The following PRRC1 variants were observed in gnomAD, a reference collection of about 807,000 sequenced individuals.
PRRC1 encodes the protein proline rich coiled-coil 1.
PRRC1 carries 39 observed loss-of-function variants against 40.7 expected under a neutral mutation model. The ratio of observed to expected loss-of-function variants is 0.96; its 90% CI spans 0.74 to 1.25. PRRC1 has a LOEUF of 1.25. PRRC1 is among the 50% of genes most tolerant of loss of function. PRRC1 has a pLI of 0.00. For missense variants in PRRC1, 573 were observed against 548.3 expected, an observed-to-expected ratio of 1.05 and a Z score of -0.45; for synonymous variants, 175 against 193.3, an observed-to-expected ratio of 0.91 and a Z score of 0.79.
intron 4 of PRRC1, among the ~76,000 whole-genome samples, chr5:127,529,453 A>C (rs1329686211): frequency 6.6e-6 from 1 of 152,094 alleles, no homozygotes; most frequent in Admixed American, 6.5e-5. Flanking sequence ...GTTCAACTCT[A>C]TAGGTCTTGT....
intron 3 of PRRC1, 98 bp downstream of exon 3, chr5:127,525,018 C>A: frequency 8.6e-7 from 1 of 1,168,070 alleles, no homozygotes; most frequent in Non-Finnish European, 1.2e-6. Flanking sequence ...ATGTACTCTA[C>A]AATTCACCCA....
chr5:127,525,746 T>C (rs1767599767), intron 3 of PRRC1, among the ~76,000 whole-genome samples: 1 of 152,222 alleles, frequency 6.6e-6, no homozygotes, highest in African/African-American at 2.4e-5. Context: ...TAATTTAGTA[T>C]ATGATTTTTT....
chr5:127,528,065 C>T (rs1767670516), intron 4 of PRRC1, among the ~76,000 whole-genome samples: 1 of 151,970 alleles, frequency 6.6e-6, no homozygotes, highest in Admixed American at 6.6e-5. Flanking sequence ...TGATTTTTAG[C>T]CATTTGTATT....
At position 127,552,188 on chromosome 5, in the gene PRRC1, G is replaced by A. The variant is rs780372795; in HGVS notation, c.*272G>A. On this transcript the variant is annotated 3_prime_UTR_variant, in exon 9 of 9. Coordinates refer to ENST00000296666, the MANE Select transcript of PRRC1 (RefSeq NM_130809.5). ...ATTTACAGCACAATTTAATATACCA[G>A]ATTTATAAGGTGGAAATTCATGTGC... The A allele has an allele frequency of 2.6e-6, 3 of 1,171,850 alleles. No homozygotes were observed. Among genetic ancestry groups the A allele is most frequent in the Non-Finnish European group, 2.1e-6 (2 of 945,780 alleles). 72.6% of individuals were successfully genotyped at this position (1,171,850 alleles called of 1,614,324 possible). A position where few individuals can be genotyped will look rare whatever the true frequency, so the allele number is the denominator to read the frequency against.
At chr5:127,517,816 G>A (rs939284713) in intron 1 of PRRC1, 40 bp downstream of exon 1, 1 of 152,540 alleles carries the variant, frequency 6.6e-6, no homozygotes, top group African/African-American at 2.4e-5. Flanking sequence ...TATGAGGGGG[G>A]TGGCATGGCA....
chr5:127,540,639 C>T (rs1378824118), intron 7 of PRRC1, among the ~76,000 whole-genome samples: 2 of 152,004 alleles, frequency 1.3e-5, no homozygotes, highest in African/African-American at 4.8e-5. Context: ...ATGTAGAAGT[C>T]TAGGTTGGCA....
intron 1 of PRRC1, among the ~76,000 whole-genome samples, chr5:127,521,596 C>T (rs917389817): frequency 7.2e-5 from 11 of 152,142 alleles, no homozygotes; most frequent in East Asian, 1.9e-4. Flanking sequence ...AATTTATGTT[C>T]GAGTGCTATT....
chr5:127,540,671 T>TA (rs1768019314), intron 7 of PRRC1, among the ~76,000 whole-genome samples: 1 of 152,126 alleles, frequency 6.6e-6, no homozygotes, highest in Non-Finnish European at 1.5e-5. Flanking sequence ...TTCAGCACTT[T>TA]AAAAATGTCA....
intron 8 of PRRC1, chr5:127,550,715 C>T (rs1357100242): frequency 1.3e-5 from 2 of 152,158 alleles, no homozygotes; most frequent in Non-Finnish European, 2.9e-5. Context: ...CACAGTGTTA[C>T]TGGTGTCTCT....
intron 4 of PRRC1, among the ~76,000 whole-genome samples, chr5:127,528,241 C>T (rs1767676059): frequency 6.6e-6 from 1 of 151,894 alleles, no homozygotes. Context: ...ATTTTAATAC[C>T]CTTTTTGACA....
intron 6 of PRRC1, 112 bp downstream of exon 6, chr5:127,533,898 C>T (rs1393621985): frequency 1.7e-6 from 2 of 1,172,828 alleles, no homozygotes; most frequent in African/African-American, 3.0e-5. Context: ...ACTGAAATAA[C>T]AATGAACTTT....
At chr5:127,522,766 C>T (rs973212894) in intron 1 of PRRC1, among the ~76,000 whole-genome samples, 1 of 151,624 alleles carries the variant, frequency 6.6e-6, no homozygotes, top group Non-Finnish European at 1.5e-5. Context: ...TTCAAAAATA[C>T]ATTAAATATT....
At chr5:127,522,146 A>T (rs144856418) in intron 1 of PRRC1, among the ~76,000 whole-genome samples, 56 of 152,372 alleles carry the variant, frequency 3.7e-4, no homozygotes, top group African/African-American at 1.3e-3. Flanking sequence ...AAAATATTAA[A>T]AACAAATATA....
At chr5:127,545,930 TGCTC>T (rs985792844) in intron 7 of PRRC1, among the ~76,000 whole-genome samples, 61 of 147,888 alleles carry the variant, frequency 4.1e-4, no homozygotes, top group African/African-American at 1.4e-3. Context: ...CTTGCTTGCT[TGCTC>T]TCATAATTAT....
intron 7 of PRRC1, among the ~76,000 whole-genome samples, chr5:127,540,432 T>G (rs1768011258): frequency 6.6e-6 from 1 of 152,140 alleles, no homozygotes; most frequent in Non-Finnish European, 1.5e-5. Flanking sequence ...TAACTGGTAA[T>G]GTTCTTTGCA....
intron 1 of PRRC1, among the ~76,000 whole-genome samples, chr5:127,519,266 T>C (rs1767395773): frequency 6.6e-6 from 1 of 152,198 alleles, no homozygotes; most frequent in Admixed American, 6.5e-5. Flanking sequence ...TCAGGTTATT[T>C]ACCTTCGATG....
In PRRC1 at chr5:127,534,017, G is replaced by A. The variant is rs73333183; in HGVS notation, c.921+231G>A. ...TGGGAGGGAAAGAAACATTGAGAGA[G>A]CACAAAAGGAATAGTTAGTCCTAAA... On this transcript the variant is annotated intron_variant, in intron 6 of 8. Transcript: ENST00000296666. 19 of 581,654 alleles carry A rather than the reference G, an allele frequency of 3.3e-5. No homozygotes were observed. In the Admixed American group the frequency reaches 4.9e-4, roughly 15 times the overall value. The allele number at this position is 581,654 out of a possible 1,614,324, so 36.0% of individuals were successfully genotyped here. A position where few individuals can be genotyped will look rare whatever the true frequency, so the allele number is the denominator to read the frequency against.
At position 127,552,140 on chromosome 5, in the gene PRRC1, C is replaced by A; in HGVS notation, c.*224C>A. On this transcript the variant is annotated 3_prime_UTR_variant, in exon 9 of 9. Transcript: ENST00000296666. ...ATACCATTTCACCTATCATAGTACT[C>A]AAAAAAGAAAATATACAAATCTATT... 7.5e-7 allele frequency: 1 copy of A among 1,328,166 alleles called. No individual in the cohort carries two copies. The highest frequency in any genetic ancestry group is 9.6e-7 in the Non-Finnish European group (1 of 1,038,864). 82.3% of individuals were successfully genotyped at this position (1,328,166 alleles called of 1,614,324 possible).
chr5:127,544,940 G>A (rs1020841795), intron 7 of PRRC1, among the ~76,000 whole-genome samples: 39 of 152,332 alleles, frequency 2.6e-4, no homozygotes, highest in Non-Finnish European at 2.5e-4. Context: ...TGGTACCTCA[G>A]ATGGAAATGC....
Sources: allele counts gnomAD v4.1 joint callset (sites outside exome capture counted in the v4.1 genomes callset), GRCh38; gene constraint gnomAD v4.1.1; transcripts MANE v1.5; gene names NCBI Gene and HGNC (gene_info 2026-07-23, HGNC 2026-07-21).